NRXN1: variants seen among roughly 807,000 people sequenced by gnomAD.
NRXN1 encodes the protein neurexin-1.
In NRXN1, 39 loss-of-function variants were observed where a neutral mutation model predicts 150.9. The observed-to-expected ratio is 0.26, with a 90% CI of 0.20 to 0.34. The LOEUF is 0.34. Among genes scored for constraint, NRXN1 ranks in the 10% least tolerant of loss-of-function variants. NRXN1 has a pLI of 1.00. For synonymous variants in NRXN1, 924 were observed against 757.0 expected, an observed-to-expected ratio of 1.22 and a Z score of -3.62; for missense variants, 1,815 against 1,949.9, an observed-to-expected ratio of 0.93 and a Z score of 1.30.
chr2:49,956,835 T>G (rs1189430988), intron 21 of NRXN1, among the ~76,000 whole-genome samples: 1 of 152,158 alleles, frequency 6.6e-6, no homozygotes, highest in East Asian at 1.9e-4. Flanking sequence ...TGATTTAATT[T>G]GAGATATCAT....
chr2:50,828,882 G>A (rs1363722452), intron 5 of NRXN1, among the ~76,000 whole-genome samples: 1 of 152,216 alleles, frequency 6.6e-6, no homozygotes, highest in Non-Finnish European at 1.5e-5. Flanking sequence ...GCAGGCGGCT[G>A]GGAGGTGGAG....
intron 21 of NRXN1, among the ~76,000 whole-genome samples, chr2:50,050,173 TA>T (rs1692483622): frequency 6.7e-6 from 1 of 148,688 alleles, no homozygotes. Context: ...TTTTTTTTTT[TA>T]CTTTTAAAAG....
intron 2 of NRXN1, among the ~76,000 whole-genome samples, chr2:50,941,790 G>A (rs566852134): frequency 6.6e-6 from 1 of 152,332 alleles, no homozygotes; most frequent in African/African-American, 2.4e-5. Context: ...TTGAAAATTT[G>A]CAACTGGACC....
intron 19 of NRXN1, among the ~76,000 whole-genome samples, chr2:50,073,657 T>G (rs1026265192): frequency 2.0e-5 from 3 of 152,198 alleles, no homozygotes; most frequent in Non-Finnish European, 4.4e-5. Context: ...TGGAGTTAAC[T>G]TCCTTCTTGA....
chr2:50,548,892 C>A (rs1054311403), intron 9 of NRXN1, among the ~76,000 whole-genome samples: 1 of 152,004 alleles, frequency 6.6e-6, no homozygotes, highest in African/African-American at 2.4e-5. Flanking sequence ...TGCTCTTAGG[C>A]GTGGGTTCCC....
In NRXN1 at chr2:50,885,539, C is replaced by T. The variant is rs190748961; in HGVS notation, c.832+36330G>A. ...ATGATATCCCCATAATGACAACTTC[C>T]AAAATGAAATTTTCTTGGTCTCAAA... On this transcript the variant is annotated intron_variant, in intron 5 of 22. Transcript: ENST00000401669. Among the ~76,000 whole-genome samples, 301 of 151,212 alleles carry T rather than the reference C, an allele frequency of 2.0e-3. 1 individual carries two copies. The highest frequency in any genetic ancestry group is 7.0e-3 in the African/African-American group (291 of 41,374).
intron 17 of NRXN1, among the ~76,000 whole-genome samples, chr2:50,325,298 T>C (rs1476052367): frequency 6.6e-6 from 1 of 151,984 alleles, no homozygotes; most frequent in East Asian, 1.9e-4. Flanking sequence ...AAAAGATGAG[T>C]GCTGATATAA....
At chr2:50,085,029 G>C (rs1698588568) in intron 19 of NRXN1, among the ~76,000 whole-genome samples, 1 of 152,160 alleles carries the variant, frequency 6.6e-6, no homozygotes, top group South Asian at 2.1e-4. Context: ...AAAAGTCAGA[G>C]TTTTAGACAC....
At chr2:50,075,201 T>G (rs557861662) in intron 19 of NRXN1, among the ~76,000 whole-genome samples, 92 of 152,234 alleles carry the variant, frequency 6.0e-4, no homozygotes, top group Admixed American at 1.4e-3. Context: ...TTATACACCT[T>G]TCTTCATCCA....
chr2:50,658,380 A>G lies in NRXN1; in HGVS notation c.833-34765T>C, dbSNP rs545256543. Among the ~76,000 whole-genome samples, 9 of 146,244 alleles carry G rather than the reference A, an allele frequency of 6.2e-5. No homozygotes were observed. The South Asian group carries it at 2.0e-3, about 32-fold the overall frequency. On this transcript the variant is annotated intron_variant, in intron 5 of 22. Coordinates refer to ENST00000401669, the MANE Select transcript of NRXN1 (RefSeq NM_001330078.2). Reference sequence around the variant, plus strand: ...AATTGATCTCTTTAGTGTAAACTCAATGTTTTTAATTTACAGGAAATGCAT... The same window carrying G: ...AATTGATCTCTTTAGTGTAAACTCAGTGTTTTTAATTTACAGGAAATGCAT...
At chr2:50,443,950 G>A (rs1364047528) in intron 17 of NRXN1, among the ~76,000 whole-genome samples, 1 of 151,998 alleles carries the variant, frequency 6.6e-6, no homozygotes, top group Non-Finnish European at 1.5e-5. Flanking sequence ...TGTACCTGGG[G>A]CATAAAAGGA....
intron 18 of NRXN1, among the ~76,000 whole-genome samples, chr2:50,101,288 T>G (rs1378938465): frequency 1.3e-5 from 2 of 152,060 alleles, no homozygotes; most frequent in Non-Finnish European, 2.9e-5. Context: ...TTTGGACCAT[T>G]GCACTCTTTG....
At chr2:49,924,774 T>C (rs375084796) in intron 22 of NRXN1, among the ~76,000 whole-genome samples, 33 of 152,138 alleles carry the variant, frequency 2.2e-4, no homozygotes, top group African/African-American at 7.9e-4. Context: ...ACCTAGAAAA[T>C]CTCTACCAAA....
intron 17 of NRXN1, among the ~76,000 whole-genome samples, chr2:50,250,214 T>C (rs900099211): frequency 6.6e-6 from 1 of 152,156 alleles, no homozygotes; most frequent in African/African-American, 2.4e-5. Flanking sequence ...GACTACCTTA[T>C]GTACAAACCA....
chr2:50,029,247 T>C (rs1295093545), intron 21 of NRXN1, among the ~76,000 whole-genome samples: 2 of 152,216 alleles, frequency 1.3e-5, no homozygotes, highest in African/African-American at 2.4e-5. Context: ...ACCTTGATCA[T>C]GGACTTCTAG....
At chr2:51,004,746 T>C (rs1700496770) in intron 2 of NRXN1, among the ~76,000 whole-genome samples, 1 of 151,984 alleles carries the variant, frequency 6.6e-6, no homozygotes. Context: ...GCAAATGTAT[T>C]ATTTTTCAAG....
At chr2:50,467,018 C>A (rs1243753533) in intron 16 of NRXN1, among the ~76,000 whole-genome samples, 1 of 151,618 alleles carries the variant, frequency 6.6e-6, no homozygotes, top group East Asian at 1.9e-4. Context: ...CCAAATGCTG[C>A]ATAAATGATA....
intron 5 of NRXN1, among the ~76,000 whole-genome samples, chr2:50,664,778 A>T (rs1687791184): frequency 7.7e-6 from 1 of 130,052 alleles, no homozygotes; most frequent in Admixed American, 7.5e-5. Flanking sequence ...TAACATTCCT[A>T]AAAAAAAAAA....
At chr2:50,914,646 G>A (rs1684966853) in intron 5 of NRXN1, among the ~76,000 whole-genome samples, 2 of 151,724 alleles carry the variant, frequency 1.3e-5, no homozygotes, top group South Asian at 4.1e-4. Context: ...GATAAAAAGT[G>A]TCAAATCTGA....
Sources: allele counts gnomAD v4.1 joint callset (sites outside exome capture counted in the v4.1 genomes callset), GRCh38; gene constraint gnomAD v4.1.1; transcripts MANE v1.5; gene names NCBI Gene and HGNC (gene_info 2026-07-23, HGNC 2026-07-21).